ADGRB3: variants seen among roughly 807,000 people sequenced by gnomAD.
ADGRB3 encodes brain-specific angiogenesis inhibitor 3.
Under a neutral mutation model 193.4 loss-of-function variants are expected in ADGRB3, and 37 were observed. The observed-to-expected ratio is 0.19, with a 90% CI of 0.15 to 0.25. The LOEUF is 0.25. Ranked by LOEUF, ADGRB3 falls within the 10% of genes least tolerant of loss-of-function variation. The pLI, the probability that ADGRB3 is intolerant of heterozygous loss-of-function variation, is 1.00. For synonymous variants in ADGRB3, 690 were observed against 644.2 expected (o/e 1.07, Z -1.08); for missense variants, 1,637 against 1,852.9 (o/e 0.88, Z 2.14).
At chr6:68,995,643 G>A (rs1769363108) in intron 11 of ADGRB3, among the ~76,000 whole-genome samples, 1 of 152,144 alleles carries the variant, frequency 6.6e-6, no homozygotes, top group South Asian at 2.1e-4. Flanking sequence ...TTCATCAAAG[G>A]AAGTATACAC....
chr6:69,016,046 T>G (rs1029061932), intron 12 of ADGRB3, among the ~76,000 whole-genome samples: 12 of 152,076 alleles, frequency 7.9e-5, no homozygotes, highest in Middle Eastern at 3.4e-3. Context: ...TGAGGCTTAT[T>G]TTGTTAATCA....
At chr6:69,277,702 G>A (rs566094588) in intron 20 of ADGRB3, among the ~76,000 whole-genome samples, 1 of 152,204 alleles carries the variant, frequency 6.6e-6, no homozygotes, top group African/African-American at 2.4e-5. Context: ...CATTATTGTT[G>A]TTATTATTAA....
intron 17 of ADGRB3, among the ~76,000 whole-genome samples, chr6:69,134,932 A>G (rs543137759): frequency 1.3e-5 from 2 of 152,162 alleles, no homozygotes; most frequent in East Asian, 3.9e-4. Flanking sequence ...AGGTTTTCAT[A>G]TGCATTTTTT....
chr6:69,113,477 A>T (rs1447040271), intron 17 of ADGRB3, among the ~76,000 whole-genome samples: 3 of 152,174 alleles, frequency 2.0e-5, no homozygotes, highest in Admixed American at 1.3e-4. Flanking sequence ...AGTTCTAAAA[A>T]AACTAAAGTT....
At chr6:69,347,614 CA>C (rs981755106) in intron 26 of ADGRB3, among the ~76,000 whole-genome samples, 2 of 150,806 alleles carry the variant, frequency 1.3e-5, no homozygotes, top group African/African-American at 2.4e-5. Flanking sequence ...CACATCTCTA[CA>C]AAAAAAAATT....
intron 17 of ADGRB3, among the ~76,000 whole-genome samples, chr6:69,144,917 T>TTCTTTCTTTCTTTC (rs139310040): frequency 7.8e-6 from 1 of 128,802 alleles, no homozygotes; most frequent in African/African-American, 2.8e-5. Context: ...CTTTCTTTCT[T>TTCTTTCTTTCTTTC]TTTCTTTTTA....
At chr6:68,642,058 A>C (rs952691307) in intron 3 of ADGRB3, among the ~76,000 whole-genome samples, 3 of 152,024 alleles carry the variant, frequency 2.0e-5, no homozygotes, top group African/African-American at 4.8e-5. Context: ...ATTTTATATT[A>C]CTTGGTGTTT....
chr6:68,977,831 A>G (rs1265810378), intron 10 of ADGRB3, among the ~76,000 whole-genome samples: 4 of 151,868 alleles, frequency 2.6e-5, no homozygotes, highest in Non-Finnish European at 4.4e-5. Flanking sequence ...AAGAATCTGA[A>G]TATCTGTCGG....
At chr6:68,877,728 G>T (rs1039950280) in intron 3 of ADGRB3, among the ~76,000 whole-genome samples, 1 of 152,080 alleles carries the variant, frequency 6.6e-6, no homozygotes, top group Non-Finnish European at 1.5e-5. Flanking sequence ...TATAGTGAGA[G>T]ATGAAAGGGC....
At chr6:68,735,603 C>A (rs1008987220) in intron 3 of ADGRB3, among the ~76,000 whole-genome samples, 14 of 151,932 alleles carry the variant, frequency 9.2e-5, no homozygotes, top group Non-Finnish European at 5.9e-5. Flanking sequence ...ATTTTTGGAA[C>A]TTTTTAGCAT....
intron 3 of ADGRB3, among the ~76,000 whole-genome samples, chr6:68,662,460 T>G (rs1431548009): frequency 6.6e-6 from 1 of 151,562 alleles, no homozygotes; most frequent in Non-Finnish European, 1.5e-5. Context: ...ATCAGAATAC[T>G]GAGGCTTAAG....
chr6:69,040,707 A>AAAAAAAAAAAAAAT (rs1771038176), intron 13 of ADGRB3, among the ~76,000 whole-genome samples: 6 of 60,394 alleles, frequency 9.9e-5, no homozygotes, highest in African/African-American at 3.4e-4. Flanking sequence ...AAAAAAAAAA[A>AAAAAAAAAAAAAAT]AACAAACAAG....
chr6:68,729,979 A>G (rs1227298059), intron 3 of ADGRB3, among the ~76,000 whole-genome samples: 1 of 151,272 alleles, frequency 6.6e-6, no homozygotes, highest in Non-Finnish European at 1.5e-5. Context: ...GTGGAAAAGG[A>G]TGCTTGAAAA....
chr6:68,998,358 G>T (rs1007551810), intron 11 of ADGRB3, among the ~76,000 whole-genome samples: 1 of 152,184 alleles, frequency 6.6e-6, no homozygotes, highest in African/African-American at 2.4e-5. Context: ...AACCAAAAAA[G>T]TGTATAGCTT....
At chr6:69,058,070 G>C (rs1168777451) in intron 15 of ADGRB3, among the ~76,000 whole-genome samples, 2 of 151,786 alleles carry the variant, frequency 1.3e-5, no homozygotes, top group African/African-American at 2.4e-5. Context: ...TGGTCCTCTA[G>C]ACTTTTGTTG....
At chr6:69,076,183 G>C (rs1354561065) in intron 17 of ADGRB3, 145 bp downstream of exon 17, 1 of 681,076 alleles carries the variant, frequency 1.5e-6, no homozygotes, top group Non-Finnish European at 2.5e-6. Flanking sequence ...TGAATCTTCA[G>C]GACAGCATGA....
chr6:68,803,505 A>G (rs59471717), intron 3 of ADGRB3, among the ~76,000 whole-genome samples: 5,551 of 152,162 alleles, frequency 0.036, 325 homozygotes, highest in African/African-American at 0.13. Context: ...CCTCTCCCAC[A>G]AAGAAGTATC....
intron 17 of ADGRB3, among the ~76,000 whole-genome samples, chr6:69,183,366 G>A (rs563271412): frequency 1.4e-4 from 22 of 152,152 alleles, no homozygotes; most frequent in Non-Finnish European, 2.8e-4. Context: ...TTTGTTATAA[G>A]TGCCTCTTTT....
At chr6:68,708,823 C>T (rs1765366096) in intron 3 of ADGRB3, among the ~76,000 whole-genome samples, 1 of 152,016 alleles carries the variant, frequency 6.6e-6, no homozygotes, top group Non-Finnish European at 1.5e-5. Context: ...CAAATAGTAT[C>T]TAAGGAAATT....
Sources: allele counts gnomAD v4.1 joint callset (sites outside exome capture counted in the v4.1 genomes callset), GRCh38; gene constraint gnomAD v4.1.1; transcripts MANE v1.5; gene names NCBI Gene and HGNC (gene_info 2026-07-23, HGNC 2026-07-21).